CCNY: variants seen among roughly 807,000 people sequenced by gnomAD.
The protein encoded by CCNY is cyclin-Y.
CCNY carries 19 observed loss-of-function variants against 42.8 expected under a neutral mutation model. The ratio of observed to expected loss-of-function variants is 0.44; its 90% CI spans 0.31 to 0.65. CCNY has a LOEUF of 0.65. CCNY is among the 30% of genes least tolerant of loss of function. The probability of loss-of-function intolerance (pLI) is 0.07; values close to 1 mark genes in which losing one functional copy is unlikely to be tolerated. For missense variants in CCNY, 370 were observed against 437.3 expected, an observed-to-expected ratio of 0.85 and a Z score of 1.37; for synonymous variants, 165 against 162.7, an observed-to-expected ratio of 1.01 and a Z score of -0.11.
intron 1 of CCNY, among the ~76,000 whole-genome samples, chr10:35,403,242 C>T (rs1837682757): frequency 1.3e-5 from 2 of 152,048 alleles, no homozygotes; most frequent in Admixed American, 1.3e-4. Flanking sequence ...ATGAGAGGTT[C>T]TAAGAGACGG....
At chr10:35,341,036 A>G (rs1589045611) in intron 1 of CCNY, among the ~76,000 whole-genome samples, 1 of 152,190 alleles carries the variant, frequency 6.6e-6, no homozygotes, top group East Asian at 1.9e-4. Flanking sequence ...TTCTCGACAC[A>G]ACAGCCATGG....
intron 1 of CCNY, among the ~76,000 whole-genome samples, chr10:35,452,303 T>C (rs915876169): frequency 6.6e-6 from 1 of 152,248 alleles, no homozygotes; most frequent in African/African-American, 2.4e-5. Flanking sequence ...TAACTAAGAC[T>C]GTTTGTTGGT....
chr10:35,543,365 C>T (rs1442974298), intron 7 of CCNY, among the ~76,000 whole-genome samples: 1 of 152,204 alleles, frequency 6.6e-6, no homozygotes, highest in Non-Finnish European at 1.5e-5. Flanking sequence ...ATACAGGACA[C>T]AGTTGATCCC....
At chr10:35,358,972 C>CG (rs963210819) in intron 1 of CCNY, among the ~76,000 whole-genome samples, 1 of 152,184 alleles carries the variant, frequency 6.6e-6, no homozygotes, top group Admixed American at 6.5e-5. Flanking sequence ...GGTGAGTGGG[C>CG]GCTGACATAG....
At chr10:35,392,552 G>T (rs1837436891) in intron 1 of CCNY, among the ~76,000 whole-genome samples, 1 of 152,236 alleles carries the variant, frequency 6.6e-6, no homozygotes, top group South Asian at 2.1e-4. Flanking sequence ...AGATCTTGAA[G>T]GGAGTAAGGA....
intron 3 of CCNY, among the ~76,000 whole-genome samples, chr10:35,279,110 GT>G (rs869276523): frequency 0.1 from 10,427 of 102,872 alleles, 178 homozygotes; most frequent in African/African-American, 0.16. Flanking sequence ...AGCTTTCAAT[GT>G]TTTTTTTTTT....
At chr10:35,318,533 C>T (rs1012789551) in intron 3 of CCNY, among the ~76,000 whole-genome samples, 8 of 152,188 alleles carry the variant, frequency 5.3e-5, no homozygotes, top group Admixed American at 3.3e-4. Flanking sequence ...CTCTTATTTT[C>T]GAGGTAGTTG....
chr10:35,424,569 C>T (rs755131117), intron 1 of CCNY, among the ~76,000 whole-genome samples: 1 of 152,218 alleles, frequency 6.6e-6, no homozygotes, highest in Non-Finnish European at 1.5e-5. Flanking sequence ...TGCATTTCTG[C>T]ATTGCCTTGG....
intron 3 of CCNY, among the ~76,000 whole-genome samples, chr10:35,279,110 GTTTTTTT>G (rs869276523): frequency 3.9e-5 from 4 of 102,814 alleles, no homozygotes; most frequent in Admixed American, 1.1e-4. Flanking sequence ...AGCTTTCAAT[GTTTTTTT>G]TTTTTTTTTT....
At chr10:35,510,795 A>AG (rs1840310820) in intron 3 of CCNY, among the ~76,000 whole-genome samples, 1 of 152,210 alleles carries the variant, frequency 6.6e-6, no homozygotes, top group Non-Finnish European at 1.5e-5. Context: ...TAATTACGAA[A>AG]GGGGTTACTA....
At chr10:35,388,195 G>A (rs1837337833) in intron 1 of CCNY, among the ~76,000 whole-genome samples, 1 of 152,240 alleles carries the variant, frequency 6.6e-6, no homozygotes, top group Non-Finnish European at 1.5e-5. Context: ...TTTAAATGTT[G>A]TGCTCCATTT....
chr10:35,306,982 T>C (rs1310376587), intron 3 of CCNY, among the ~76,000 whole-genome samples: 1 of 152,158 alleles, frequency 6.6e-6, no homozygotes, highest in Non-Finnish European at 1.5e-5. Context: ...GTAAGTTCTC[T>C]CCTACTCACC....
rs551897114 is a variant in CCNY, at chr10:35,410,891, T to C, written c.155-72513T>C. Among the ~76,000 whole-genome samples the C allele has an allele frequency of 6.6e-5, 10 of 152,340 alleles. No individual in the cohort carries two copies. In the South Asian group the frequency reaches 8.3e-4, roughly 13 times the overall value. On this transcript the variant is annotated intron_variant, in intron 1 of 9. Coordinates refer to ENST00000374704, the MANE Select transcript of CCNY (RefSeq NM_145012.6). ...TGATGTCGCTGGTCTAGAGAACTAC[T>C]GCTAGTATACTTGGTGTTGTTGGAT... is the stretch of plus-strand genomic sequence containing the variant.
At chr10:35,317,311 C>T (rs1007004613) in intron 3 of CCNY, among the ~76,000 whole-genome samples, 3 of 152,172 alleles carry the variant, frequency 2.0e-5, no homozygotes, top group African/African-American at 7.2e-5. Flanking sequence ...ACTTTCTGAT[C>T]ACACTCTGCA....
intron 3 of CCNY, among the ~76,000 whole-genome samples, chr10:35,258,937 A>G (rs2095717446): frequency 6.6e-6 from 1 of 151,560 alleles, no homozygotes; most frequent in African/African-American, 2.4e-5. Context: ...CTGTCTTAAA[A>G]AAAAAAAAAA....
At chr10:35,519,128 C>T (rs1477794139) in intron 4 of CCNY, among the ~76,000 whole-genome samples, 1 of 151,518 alleles carries the variant, frequency 6.6e-6, no homozygotes, top group African/African-American at 2.4e-5. Context: ...GGATTTTTAA[C>T]AGATCTTGAT....
chr10:35,424,657 A>T (rs1314706939), intron 1 of CCNY, among the ~76,000 whole-genome samples: 1 of 152,228 alleles, frequency 6.6e-6, no homozygotes, highest in East Asian at 1.9e-4. Flanking sequence ...GATACTATTA[A>T]GTGCTTGCCA....
chr10:35,393,236 C>T (rs1237385997), intron 1 of CCNY, among the ~76,000 whole-genome samples: 2 of 152,136 alleles, frequency 1.3e-5, no homozygotes, highest in African/African-American at 2.4e-5. Context: ...AAGAGATGCT[C>T]CTATAAGTAT....
At chr10:35,524,191 C>A (rs1302574257) in intron 4 of CCNY, among the ~76,000 whole-genome samples, 3 of 152,198 alleles carry the variant, frequency 2.0e-5, no homozygotes, top group Admixed American at 6.5e-5. Flanking sequence ...TCAATAACAT[C>A]TATTTTTTCT....
Sources: allele counts gnomAD v4.1 joint callset (sites outside exome capture counted in the v4.1 genomes callset), GRCh38; gene constraint gnomAD v4.1.1; transcripts MANE v1.5; gene names NCBI Gene and HGNC (gene_info 2026-07-23, HGNC 2026-07-21).